Variants in TTC38 observed in about 807,000 individuals in gnomAD.
TTC38 encodes the protein tetratricopeptide repeat protein 38.
A neutral mutation model predicts 64.2 loss-of-function variants in TTC38; 64 were observed. The observed-to-expected ratio is 1.00, with a 90% CI of 0.81 to 1.23. The LOEUF (loss-of-function observed/expected upper bound fraction) is 1.23, where lower values mean the gene tolerates loss of function less well. Ranked by LOEUF, TTC38 falls within the 50% of genes most tolerant of loss-of-function variation. The pLI, the probability that TTC38 is intolerant of heterozygous loss-of-function variation, is 0.00. For synonymous variants in TTC38, 254 were observed against 249.3 expected, an observed-to-expected ratio of 1.02 and a Z score of -0.18; for missense variants, 573 against 615.5, an observed-to-expected ratio of 0.93 and a Z score of 0.73.
rs1230114279 is a variant in TTC38, at chr22:46,274,665, C to G, written c.366-583C>G. Among the ~76,000 whole-genome samples the G allele has an allele frequency of 1.3e-5, 2 of 152,054 alleles. No homozygotes were observed. Among genetic ancestry groups the G allele is most frequent in the African/African-American group, 4.8e-5 (2 of 41,370 alleles). On this transcript the variant is annotated intron_variant, in intron 4 of 13. Transcript: ENST00000381031. This position sits in a 1 kb window ranked among gnomAD's most constrained non-coding sequence, Gnocchi z 4.8. ...TGGTAAGTCAGCCCAGGTGTGGGTT[C>G]CACCTCAGAGACTTCCTGTGGCTGT...
chr22:46,268,754 G>A, intron 2 of TTC38, 163 bp downstream of exon 2: 1 of 648,162 alleles, frequency 1.5e-6, no homozygotes, highest in Non-Finnish European at 2.6e-6. Context: ...GCGCTATTTC[G>A]GCTCACTGCA....
Position 46,291,204 on chromosome 22 carries a change from G to A in TTC38, c.1316+1305G>A, listed in dbSNP as rs2077612572. 6.6e-6 allele frequency among the ~76,000 whole-genome samples: 1 copy of A among 152,228 alleles called. No homozygotes were observed. Among genetic ancestry groups the A allele is most frequent in the Non-Finnish European group, 1.5e-5 (1 of 68,042 alleles). ...CATGGCTGTAGACAAAACCATGCGT[G>A]TTTCTTTGGTGGTCAAGCCCCCTGG... On this transcript the variant is annotated intron_variant, in intron 13 of 13. Transcript: ENST00000381031. This position sits in a 1 kb window ranked among gnomAD's most constrained non-coding sequence, Gnocchi z 4.6.
intron 9 of TTC38, among the ~76,000 whole-genome samples, chr22:46,286,496 A>G (rs1187302249): frequency 1.3e-5 from 2 of 151,986 alleles, no homozygotes; most frequent in Non-Finnish European, 2.9e-5. Context: ...TCCCATCTCT[A>G]CTAAAAATAC....
In TTC38 at chr22:46,268,515, C is replaced by T. The variant is rs117135869; in HGVS notation, c.35C>T (p.Ala12Val). ...AAASPLRDCQ[A>V]WKDARLPLST... ...CTATTCCCTTCTTGCCGTCTGTAGG[C>T]CTGGAAGGATGCGAGGCTCCCGCTC... The change falls in exon 2 of 14, where the codon GCC (alanine) becomes GTC (valine). Residue 12 changes from alanine to valine, a missense_variant and splice_region_variant. Ala to Val is a moderately conservative substitution (Grantham distance 64). Around this residue, in one of 3 missense-constraint regions of TTC38, gnomAD observed 134 missense variants for 126.5 expected, o/e 1.06. Transcript: ENST00000381031. 19,319 of 1,614,032 alleles carry T rather than the reference C, an allele frequency of 0.012. 148 individuals carry two copies. Among genetic ancestry groups the T allele is most frequent in the Middle Eastern group, 0.051 (312 of 6,062 alleles).
intron 1 of TTC38, 129 bp from the exon 2 acceptor site, chr22:46,268,385 G>T (rs978221702): frequency 9.8e-7 from 1 of 1,019,588 alleles, no homozygotes; most frequent in Non-Finnish European, 1.5e-6. Context: ...ACCGGCCCAG[G>T]ACTGGGAGCC....
At chr22:46,285,722 C>T (rs757249660) in intron 9 of TTC38, among the ~76,000 whole-genome samples, 12 of 151,200 alleles carry the variant, frequency 7.9e-5, no homozygotes, top group African/African-American at 1.9e-4. Context: ...CATAAAATTA[C>T]GTGTACAAGG....
At position 46,271,791 on chromosome 22, in the gene TTC38, G is replaced by A. The variant is rs1936901914; in HGVS notation, c.112-544G>A. 2.0e-5 allele frequency among the ~76,000 whole-genome samples: 3 copies of A among 152,300 alleles called. No homozygotes were observed. Among genetic ancestry groups the A allele is most frequent in the Admixed American group, 6.5e-5 (1 of 15,300 alleles). ...CTTCCAAAGTACTGGGATTACAGGC[G>A]TGAGCCATCGCGCCCAGCCAGAACC... On this transcript the variant is annotated intron_variant, in intron 2 of 13. Transcript: ENST00000381031. This position sits in a 1 kb window ranked among gnomAD's most constrained non-coding sequence, Gnocchi z 5.5.
Position 46,268,033 on chromosome 22 carries a change from G to A in TTC38, c.-7G>A. ...AGAGCTCGCGGTGGACTCCGACCCGGCGCAACATGGCCGCAGCCTCGCCTC... is the reference window on the plus strand; with the variant it reads ...AGAGCTCGCGGTGGACTCCGACCCGACGCAACATGGCCGCAGCCTCGCCTC... On this transcript the variant is annotated 5_prime_UTR_variant, in exon 1 of 14. Transcript: ENST00000381031. 6.5e-7 allele frequency: 1 copy of A among 1,538,806 alleles called. No individual in the cohort carries two copies. The highest frequency in any genetic ancestry group is 2.0e-4 in the Middle Eastern group (1 of 5,086).
rs1406688892 is a variant in TTC38 at position 46,274,043 on chromosome 22, G to A, written c.339G>A (p.Val113=). ...QPLTRREQLH[V]SAVETFANGN... ...TGACAAGGCGGGAGCAGCTGCACGT[G>A]TCTGCAGTAGAGACATTTGCCAATG... The change falls in exon 4 of 14, where the codon GTG becomes GTA. Residue 113 remains valine (V), a synonymous_variant. Transcript: ENST00000381031. The surrounding 1 kb of genome is among the most constrained non-coding windows in gnomAD (Gnocchi z 4.8). The A allele has an allele frequency of 1.9e-6, 3 of 1,613,988 alleles. No homozygotes were observed. Among genetic ancestry groups the A allele is most frequent in the Admixed American group, 1.7e-5 (1 of 60,014 alleles).
In TTC38 at chr22:46,288,565, G is replaced by A; in HGVS notation, c.1059G>A (p.Leu353=). The A allele has an allele frequency of 6.2e-7, 1 of 1,613,672 alleles. No individual in the cohort carries two copies. Among genetic ancestry groups the A allele is most frequent in the South Asian group, 1.1e-5 (1 of 91,070 alleles). Residue 353 remains leucine, a synonymous_variant, in exon 11 of 14, where the codon CTG becomes CTA. Coordinates refer to ENST00000381031, the MANE Select transcript of TTC38 (RefSeq NM_017931.4). ...AHDPQTTQEL[L]TTLRDASESP... Reference sequence around the variant, plus strand: ...ACCCCCAGACCACACAGGAGCTGCTGACCACCCTGCGGGACGCCAGCGAGT... The same window carrying A: ...ACCCCCAGACCACACAGGAGCTGCTAACCACCCTGCGGGACGCCAGCGAGT...
In TTC38 at chr22:46,272,953, G is replaced by A. The variant is rs1936926738; in HGVS notation, c.193+537G>A. Among the ~76,000 whole-genome samples, 2 of 152,198 alleles carry A rather than the reference G, an allele frequency of 1.3e-5. No homozygotes were observed. The highest frequency in any genetic ancestry group is 1.3e-4 in the Admixed American group (2 of 15,280). ...CCAGCACAGTGCATTGCAGGTGGGT[G>A]GTCCCGTGGTGCGGCAAGGTTCCGG... On this transcript the variant is annotated intron_variant, in intron 3 of 13. Transcript: ENST00000381031. The surrounding 1 kb of genome is among the most constrained non-coding windows in gnomAD (Gnocchi z 6.4).
Position 46,289,727 on chromosome 22 carries a change from A to G in TTC38, c.1243-99A>G, listed in dbSNP as rs11912868. 0.01 allele frequency: 15,123 copies of G among 1,484,026 alleles called. 1,095 individuals are homozygous for G. In the African/African-American group the frequency reaches 0.17, roughly 17 times the overall value. The allele number at this position is 1,484,026 out of a possible 1,614,324, so 91.9% of individuals were successfully genotyped here. A position where few individuals can be genotyped will look rare whatever the true frequency, so the allele number is the denominator to read the frequency against. ...TCGTCGTTGAGGGTGTGGCATCAAC[A>G]CCACTGTCTCCCTGGAGAGCAGGCA... is the stretch of plus-strand genomic sequence containing the variant. On this transcript the variant is annotated intron_variant, in intron 12 of 13. Coordinates refer to ENST00000381031, the MANE Select transcript of TTC38 (RefSeq NM_017931.4).
chr22:46,290,651 C>T (rs561637962), intron 13 of TTC38, among the ~76,000 whole-genome samples: 2 of 138,172 alleles, frequency 1.4e-5, no homozygotes, highest in Admixed American at 6.9e-5. Context: ...GTTAGGGTGG[C>T]GTGGCTGGAG....
intron 6 of TTC38, chr22:46,279,959 G>T: frequency 2.7e-6 from 1 of 368,904 alleles, no homozygotes; most frequent in Non-Finnish European, 5.7e-6. Context: ...CGCACTGAGG[G>T]TGGCCAAAAA....
intron 2 of TTC38, chr22:46,268,841 C>T (rs958354017): frequency 4.7e-5 from 21 of 450,956 alleles, no homozygotes; most frequent in African/African-American, 8.2e-5. Context: ...CCCGCCACTG[C>T]CCTCGACTAA....
In TTC38 at chr22:46,270,336, C is replaced by T. The variant is rs1459532180; in HGVS notation, c.111+1745C>T. On this transcript the variant is annotated intron_variant, in intron 2 of 13. Transcript: ENST00000381031. This position sits in a 1 kb window ranked among gnomAD's most constrained non-coding sequence, Gnocchi z 4.7. Reference sequence around the variant, plus strand: ...CCTGGGCGGTTGAGACTGAAGTGAGCTGTGATTGTGCCACTGTACTCCATC... The same window carrying T: ...CCTGGGCGGTTGAGACTGAAGTGAGTTGTGATTGTGCCACTGTACTCCATC... Among the ~76,000 whole-genome samples the T allele has an allele frequency of 6.6e-6, 1 of 151,758 alleles. No homozygotes were observed. The highest frequency in any genetic ancestry group is 1.5e-5 in the Non-Finnish European group (1 of 67,964).
intron 13 of TTC38, 80 bp downstream of exon 13, chr22:46,289,979 C>A (rs2077601999): frequency 1.6e-6 from 2 of 1,268,868 alleles, no homozygotes; most frequent in South Asian, 1.2e-5. Flanking sequence ...GGAAGCCCCA[C>A]CACCCTTGGC....
In TTC38 at chr22:46,293,093, G is replaced by C; in HGVS notation, c.*209G>C. The stretch of plus-strand genomic sequence containing the variant: ...TTCAGTCCTCGAGAAGGGCCAATGA[G>C]CATTTTTCAGCAGTCACAGCCAGTG... On this transcript the variant is annotated 3_prime_UTR_variant, in exon 14 of 14. Coordinates refer to ENST00000381031, the MANE Select transcript of TTC38 (RefSeq NM_017931.4). The surrounding 1 kb of genome is among the most constrained non-coding windows in gnomAD (Gnocchi z 6.6). 1 of 553,134 alleles carries C rather than the reference G, an allele frequency of 1.8e-6. No homozygotes were observed. The highest frequency in any genetic ancestry group is 3.3e-6 in the Non-Finnish European group (1 of 303,486). The allele number at this position is 553,134 out of a possible 1,614,324, so 34.3% of individuals were successfully genotyped here.
chr22:46,279,949 C>A (rs561604273), intron 6 of TTC38: 2 of 366,436 alleles, frequency 5.5e-6, no homozygotes, highest in Non-Finnish European at 1.1e-5. Flanking sequence ...GCAAGTCCCC[C>A]GCACTGAGGG....
Sources: allele counts gnomAD v4.1 joint callset (sites outside exome capture counted in the v4.1 genomes callset), GRCh38; gene constraint gnomAD v4.1.1; regional missense constraint gnomAD v4.1.1; non-coding constraint Gnocchi (gnomAD v3.1); transcripts MANE v1.5; gene names NCBI Gene and HGNC (gene_info 2026-07-23, HGNC 2026-07-21).